The following RTL4 variants were observed in gnomAD, a reference collection of about 807,000 sequenced individuals.
RTL4 encodes the protein retrotransposon Gag like 4.
Under a neutral mutation model 5.3 loss-of-function variants are expected in RTL4, and 4 were observed. That is an observed-to-expected ratio of 0.75 (90% CI 0.37 to 1.72). RTL4 has a LOEUF of 1.72. Among genes scored for constraint, RTL4 ranks in the 40% most tolerant of loss-of-function variants. RTL4 has a pLI of 0.04. For missense variants in RTL4, 260 were observed against 227.1 expected (o/e 1.14, Z -0.93); for synonymous variants, 98 against 87.3 (o/e 1.12, Z -0.68).
chrX:112,237,279 C>T, the RTL4 span, among the ~76,000 whole-genome samples: 2 of 111,945 alleles, frequency 1.8e-5, no homozygotes, highest in Admixed American at 9.5e-5. Flanking sequence ...ATGGAAGGAA[C>T]GTGTGTGGTT....
chrX:112,102,729 C>T, the RTL4 span, among the ~76,000 whole-genome samples: 7 of 111,223 alleles, frequency 6.3e-5, no homozygotes, highest in Non-Finnish European at 1.3e-4. Flanking sequence ...AAGGAACTTA[C>T]ATTTACAAGA....
At chrX:112,269,252 A>G in the RTL4 span, among the ~76,000 whole-genome samples, 3 of 112,098 alleles carry the variant, frequency 2.7e-5, no homozygotes, top group Non-Finnish European at 5.6e-5. Context: ...ATGCAGAGTG[A>G]TTTATAGATT....
the RTL4 span, among the ~76,000 whole-genome samples, chrX:112,110,163 AG>A: frequency 8.9e-6 from 1 of 112,000 alleles, no homozygotes; most frequent in Admixed American, 9.4e-5. Context: ...TGTAAATGCC[AG>A]GCAGTGTCTC....
chrX:112,122,039 T>A, the RTL4 span, among the ~76,000 whole-genome samples: 2 of 111,478 alleles, frequency 1.8e-5, no homozygotes, highest in East Asian at 5.6e-4. Context: ...TCCAAATGCA[T>A]CCGTTTGAGA....
At chrX:112,436,570 A>G in the RTL4 span, among the ~76,000 whole-genome samples, 1 of 112,028 alleles carries the variant, frequency 8.9e-6, no homozygotes. Flanking sequence ...ATTCTTTTAT[A>G]CATGTGTATT....
the RTL4 span, among the ~76,000 whole-genome samples, chrX:112,352,942 G>T: frequency 2.7e-5 from 3 of 111,082 alleles, no homozygotes; most frequent in Non-Finnish European, 3.8e-5. Flanking sequence ...TCTGCCAAAG[G>T]GCTAATATCC....
chrX:112,215,847 T>C, the RTL4 span, among the ~76,000 whole-genome samples: 1 of 111,646 alleles, frequency 9.0e-6, no homozygotes, highest in Non-Finnish European at 1.9e-5. Context: ...AATTCTAAGC[T>C]TAGTTTTTTT....
the RTL4 span, among the ~76,000 whole-genome samples, chrX:112,417,827 T>C: frequency 3.6e-5 from 4 of 111,439 alleles, no homozygotes; most frequent in Admixed American, 3.8e-4. Context: ...ACCATCAAAA[T>C]AGAGATCAGT....
the RTL4 span, among the ~76,000 whole-genome samples, chrX:112,328,467 A>G: frequency 2.7e-5 from 3 of 111,798 alleles, no homozygotes; most frequent in African/African-American, 9.8e-5. Context: ...ACTATCCTAA[A>G]TATATATGCA....
At chrX:112,289,795 G>A in the RTL4 span, among the ~76,000 whole-genome samples, 4 of 105,645 alleles carry the variant, frequency 3.8e-5, no homozygotes, top group Admixed American at 1.0e-4. Flanking sequence ...GTGTGTGTGT[G>A]TATAAAATAC....
the RTL4 span, among the ~76,000 whole-genome samples, chrX:112,094,741 G>C: frequency 8.9e-6 from 1 of 111,744 alleles, no homozygotes; most frequent in African/African-American, 3.2e-5. Flanking sequence ...TGTTTCAAGA[G>C]AGAGTAATCG....
chrX:112,447,598 C>A, the RTL4 span, among the ~76,000 whole-genome samples: 2 of 112,450 alleles, frequency 1.8e-5, no homozygotes, highest in African/African-American at 6.4e-5. Context: ...TGTCCTTAGA[C>A]AACTCTTTTT....
At chrX:112,133,265 T>C in the RTL4 span, among the ~76,000 whole-genome samples, 1,382 of 112,194 alleles carry the variant, frequency 0.012, 23 homozygotes, top group African/African-American at 0.042. Context: ...TCTTTAGTAG[T>C]GTAAATCTTC....
the RTL4 span, among the ~76,000 whole-genome samples, chrX:112,131,788 T>C: frequency 9.1e-6 from 1 of 109,727 alleles, no homozygotes. Flanking sequence ...AATAGGAAAA[T>C]AAATAGAGAT....
the RTL4 span, among the ~76,000 whole-genome samples, chrX:112,085,785 C>T: frequency 5.3e-5 from 6 of 112,166 alleles, no homozygotes; most frequent in African/African-American, 1.9e-4. Context: ...ATTCTACCCA[C>T]ATGGCATGTC....
chrX:112,419,088 C>T, the RTL4 span, among the ~76,000 whole-genome samples: 1 of 100,621 alleles, frequency 9.9e-6, no homozygotes, highest in South Asian at 4.7e-4. Flanking sequence ...TTGGTGGGGA[C>T]AGTCTCCTTG....
At chrX:112,126,255 GA>G in the RTL4 span, among the ~76,000 whole-genome samples, 1 of 111,529 alleles carries the variant, frequency 9.0e-6, no homozygotes, top group Non-Finnish European at 1.9e-5. Flanking sequence ...AATGAATGTA[GA>G]AAAAAAATTG....
At chrX:112,299,703 G>A in the RTL4 span, among the ~76,000 whole-genome samples, 86 of 111,824 alleles carry the variant, frequency 7.7e-4, no homozygotes, top group African/African-American at 2.7e-3. Context: ...ACGGGGCAGA[G>A]GTTGCCTCCT....
chrX:112,327,098 C>T, the RTL4 span, among the ~76,000 whole-genome samples: 2 of 112,192 alleles, frequency 1.8e-5, no homozygotes, highest in East Asian at 2.8e-4. Context: ...AAGCAGAGTG[C>T]CTCTCCTCCT....
Sources: allele counts gnomAD v4.1 joint callset (sites outside exome capture counted in the v4.1 genomes callset), GRCh38; gene constraint gnomAD v4.1.1; transcripts MANE v1.5; gene names NCBI Gene and HGNC (gene_info 2026-07-23, HGNC 2026-07-21).